BRPF3: variants seen among roughly 807,000 people sequenced by gnomAD.
BRPF3 encodes bromodomain and PHD finger-containing protein 3.
In BRPF3, 18 loss-of-function variants were observed where a neutral mutation model predicts 102.0. That is an observed-to-expected ratio of 0.18 (90% CI 0.12 to 0.26). The LOEUF (loss-of-function observed/expected upper bound fraction) is 0.26, where lower values mean the gene tolerates loss of function less well. Among genes scored for constraint, BRPF3 ranks in the 10% least tolerant of loss-of-function variants. The pLI, the probability that BRPF3 is intolerant of heterozygous loss-of-function variation, is 1.00. For synonymous variants in BRPF3, 570 were observed against 614.2 expected (o/e 0.93, Z 1.06); for missense variants, 1,147 against 1,567.8 (o/e 0.73, Z 4.53).
At chr6:36,225,480 G>T (rs1014186049) in intron 11 of BRPF3, 116 bp downstream of exon 11, 5 of 934,838 alleles carry the variant, frequency 5.3e-6, no homozygotes, top group East Asian at 5.4e-5. Context: ...GCTGTAGAGG[G>T]GAGGGGGGTT....
In BRPF3 at chr6:36,214,131, C is replaced by T. The variant is rs777172957; in HGVS notation, c.2734C>T (p.Pro912Ser). 4 of 1,614,086 alleles carry T rather than the reference C, an allele frequency of 2.5e-6. No homozygotes were observed. Among genetic ancestry groups the T allele is most frequent in the South Asian group, 1.1e-5 (1 of 91,088 alleles). Residue 912 changes from proline (P) to serine (S), a missense_variant, in exon 8 of 13, where the codon CCT (proline) becomes TCT (serine). This residue lies in a region of BRPF3 where 379 missense variants were observed against 426.3 expected (regional missense o/e 0.89). Coordinates refer to ENST00000357641, the MANE Select transcript of BRPF3 (RefSeq NM_015695.3). ...CATCAACAGACTATCCCTCATGGCC[C>T]CTGACACCCCGGCCGGTACCCCACT... ...NGINRLSLMAPDTPAGTPLSG... is the reference protein window; with the variant it reads ...NGINRLSLMASDTPAGTPLSG...
chr6:36,220,649 C>T (rs1768501959), intron 9 of BRPF3, among the ~76,000 whole-genome samples: 1 of 152,214 alleles, frequency 6.6e-6, no homozygotes, highest in Non-Finnish European at 1.5e-5. Context: ...ATTACTAGCA[C>T]TTTACATTTG....
intron 8 of BRPF3, 40 bp from the exon 9 acceptor site, chr6:36,217,877 G>C: frequency 6.3e-7 from 1 of 1,585,042 alleles, no homozygotes; most frequent in Non-Finnish European, 8.6e-7. Flanking sequence ...TTGGGAAGGG[G>C]GATTTCTGCA....
chr6:36,217,327 C>T (rs1010871789), intron 8 of BRPF3, among the ~76,000 whole-genome samples: 3 of 152,202 alleles, frequency 2.0e-5, no homozygotes, highest in African/African-American at 4.8e-5. Context: ...GCTTTAGTTC[C>T]GCTGAAGAGT....
intron 3 of BRPF3, among the ~76,000 whole-genome samples, chr6:36,206,079 A>G (rs1001818861): frequency 2.0e-5 from 3 of 152,088 alleles, no homozygotes; most frequent in African/African-American, 7.2e-5. Context: ...CTTTATCAAC[A>G]TGGGTTTTTG....
chr6:36,206,437 A>G lies in BRPF3; in HGVS notation c.1606-876A>G, dbSNP rs529290842. 4.0e-5 allele frequency among the ~76,000 whole-genome samples: 6 copies of G among 151,896 alleles called. No homozygotes were observed. In the East Asian group the frequency reaches 7.7e-4, roughly 20 times the overall value. On this transcript the variant is annotated intron_variant, in intron 3 of 12. Transcript: ENST00000357641. ...TCTCTTACTTCCTCTTCCAGAATAT[A>G]CTCCTCTTTCTAGGCAGGCGAAGTT...
At chr6:36,228,743 T>C (rs79810618) in intron 11 of BRPF3, among the ~76,000 whole-genome samples, 159 bp from the exon 12 acceptor site, 1,926 of 152,240 alleles carry the variant, frequency 0.013, 18 homozygotes, top group Middle Eastern at 0.041. Flanking sequence ...CTAAGGGACA[T>C]TGGAGGAAGG....
At chr6:36,229,979 AAC>A (rs1389430660) in intron 12 of BRPF3, among the ~76,000 whole-genome samples, 1 of 152,136 alleles carries the variant, frequency 6.6e-6, no homozygotes, top group African/African-American at 2.4e-5. Context: ...GAGCTTTAAA[AAC>A]ACATACACAG....
At chr6:36,202,410 A>C (rs932347561) in intron 2 of BRPF3, among the ~76,000 whole-genome samples, 1,513 of 101,910 alleles carry the variant, frequency 0.015, 1 homozygote, top group Admixed American at 0.023. Flanking sequence ...AGCTCTGTGG[A>C]CCCCCCCCCC....
At chr6:36,227,937 A>G (rs938288652) in intron 11 of BRPF3, among the ~76,000 whole-genome samples, 14 of 152,182 alleles carry the variant, frequency 9.2e-5, no homozygotes, top group Non-Finnish European at 2.9e-5. Flanking sequence ...GGGACAGCGT[A>G]TAGGAAGTAA....
At chr6:36,204,397 G>A (rs1462906515) in intron 2 of BRPF3, 9 of 487,800 alleles carry the variant, frequency 1.8e-5, no homozygotes, top group East Asian at 3.9e-5. Flanking sequence ...CATAGGAAAC[G>A]GGACTCTGGG....
At chr6:36,205,655 G>C (rs1162210288) in intron 3 of BRPF3, among the ~76,000 whole-genome samples, 1 of 152,188 alleles carries the variant, frequency 6.6e-6, no homozygotes. Flanking sequence ...GAGCTTCTCT[G>C]TGATACCACT....
At chr6:36,217,176 A>G (rs1325501374) in intron 8 of BRPF3, among the ~76,000 whole-genome samples, 1 of 152,164 alleles carries the variant, frequency 6.6e-6, no homozygotes, top group Non-Finnish European at 1.5e-5. Flanking sequence ...ATACATACTG[A>G]ATAGTAAGTA....
Position 36,210,570 on chromosome 6 carries a change from A to C in BRPF3, c.2179+42A>C, listed in dbSNP as rs1237714695. 1 of 1,537,892 alleles carries C rather than the reference A, an allele frequency of 6.5e-7. No individual in the cohort carries two copies. Among genetic ancestry groups the C allele is most frequent in the Non-Finnish European group, 8.7e-7 (1 of 1,145,718 alleles). On this transcript the variant is annotated intron_variant, in intron 6 of 12. Coordinates refer to ENST00000357641, the MANE Select transcript of BRPF3 (RefSeq NM_015695.3). This position sits in a 1 kb window ranked among gnomAD's most constrained non-coding sequence, Gnocchi z 4.7. ...GGTGGGGAGGAGAGGGGCCAGGAGG[A>C]GGCACAGGAACAGAGTCTACAGAGT...
In BRPF3 at chr6:36,200,681, G is replaced by T. The variant is rs756119698; in HGVS notation, c.359G>T (p.Arg120Leu). Residue 120 changes from arginine (R) to leucine (L), a missense_variant, in exon 2 of 13, where the codon CGT (arginine) becomes CTT (leucine). Arg to Leu is a moderately radical substitution (Grantham distance 102). Around this residue, in one of 11 missense-constraint regions of BRPF3, gnomAD observed 221 missense variants for 337.1 expected, o/e 0.66. Coordinates refer to ENST00000357641, the MANE Select transcript of BRPF3 (RefSeq NM_015695.3). This position sits in a 1 kb window ranked among gnomAD's most constrained non-coding sequence, Gnocchi z 5.3. ...TSFHLPQPSF[R>L]MVDSGIQPEA... ...TTCCACCTCCCACAGCCCAGCTTCC[G>T]TATGGTGGACTCAGGCATCCAGCCA... The T allele has an allele frequency of 1.2e-6, 2 of 1,614,140 alleles. No homozygotes were observed. Among genetic ancestry groups the T allele is most frequent in the East Asian group, 2.2e-5 (1 of 44,878 alleles).
At chr6:36,219,667 T>C (rs534511646) in intron 9 of BRPF3, among the ~76,000 whole-genome samples, 1 of 152,304 alleles carries the variant, frequency 6.6e-6, no homozygotes, top group South Asian at 2.1e-4. Flanking sequence ...CTGGGGCCCC[T>C]TGGAGGAAGT....
intron 1 of BRPF3, among the ~76,000 whole-genome samples, chr6:36,199,809 G>T (rs1767630909): frequency 6.6e-6 from 1 of 152,198 alleles, no homozygotes. Flanking sequence ...CAGGGATCAT[G>T]TGTGTTTGAT....
intron 8 of BRPF3, among the ~76,000 whole-genome samples, chr6:36,217,166 A>C (rs187082179): frequency 1.3e-5 from 2 of 152,178 alleles, no homozygotes; most frequent in South Asian, 2.1e-4. Context: ...ACCTTCTCTC[A>C]TACATACTGA....
At position 36,210,542 on chromosome 6, in the gene BRPF3, A is replaced by G; in HGVS notation, c.2179+14A>G. On this transcript the variant is annotated intron_variant, in intron 6 of 12. Coordinates refer to ENST00000357641, the MANE Select transcript of BRPF3 (RefSeq NM_015695.3). The surrounding 1 kb of genome is among the most constrained non-coding windows in gnomAD (Gnocchi z 4.7). ...CCTGGGAAGACGGTGAGAGGCCTGG[A>G]TGGGTGGGGAGGAGAGGGGCCAGGA... is the stretch of plus-strand genomic sequence containing the variant. The G allele has an allele frequency of 6.4e-7, 1 of 1,571,866 alleles. No individual in the cohort carries two copies. The highest frequency in any genetic ancestry group is 1.3e-5 in the African/African-American group (1 of 74,282).
Sources: allele counts gnomAD v4.1 joint callset (sites outside exome capture counted in the v4.1 genomes callset), GRCh38; gene constraint gnomAD v4.1.1; regional missense constraint gnomAD v4.1.1; non-coding constraint Gnocchi (gnomAD v3.1); transcripts MANE v1.5; gene names NCBI Gene and HGNC (gene_info 2026-07-23, HGNC 2026-07-21).